RANGAP1: variants seen among roughly 807,000 people sequenced by gnomAD.
RANGAP1 encodes ran GTPase-activating protein 1.
In RANGAP1, 38 loss-of-function variants were observed where a neutral mutation model predicts 63.5. The ratio of observed to expected loss-of-function variants is 0.60; its 90% confidence interval spans 0.46 to 0.78. The LOEUF is 0.78. Among genes scored for constraint, RANGAP1 ranks in the 30% least tolerant of loss-of-function variants. RANGAP1 has a pLI of 0.00. For missense variants in RANGAP1, 630 were observed against 740.3 expected (o/e 0.85, Z 1.73); for synonymous variants, 329 against 310.5 (o/e 1.06, Z -0.63).
At chr22:41,290,035 G>A (rs370986554), upstream of RANGAP1, among the ~76,000 whole-genome samples, 10 of 151,908 alleles carry the variant, frequency 6.6e-5, no homozygotes, top group South Asian at 1.5e-3. Context: ...CAGCTACTAG[G>A]GAGGCTGATG....
At chr22:41,250,643 G>A (rs979767983) in intron 13 of RANGAP1, among the ~76,000 whole-genome samples, 5 of 152,202 alleles carry the variant, frequency 3.3e-5, no homozygotes, top group East Asian at 1.9e-4. Context: ...TAGAGTGGAC[G>A]TGAGCACAGA....
At chr22:41,270,628 T>C (rs2034751230) in intron 3 of RANGAP1, among the ~76,000 whole-genome samples, 1 of 152,216 alleles carries the variant, frequency 6.6e-6, no homozygotes, top group African/African-American at 2.4e-5. Flanking sequence ...TTGTATCTTT[T>C]GTAGAGTTGG....
the RANGAP1 span, among the ~76,000 whole-genome samples, chr22:41,293,839 G>A: frequency 1.3e-5 from 2 of 148,640 alleles, no homozygotes; most frequent in Non-Finnish European, 3.0e-5. Flanking sequence ...TTTCTCTTTT[G>A]GTGGATATGG....
At chr22:41,290,766 A>C (rs892444340), upstream of RANGAP1, among the ~76,000 whole-genome samples, 1 of 152,196 alleles carries the variant, frequency 6.6e-6, no homozygotes, top group Non-Finnish European at 1.5e-5. Context: ...GCCAATTGTA[A>C]ATGGAATAAA....
At chr22:41,260,222 T>C (rs953876670) in intron 6 of RANGAP1, among the ~76,000 whole-genome samples, 3 of 152,114 alleles carry the variant, frequency 2.0e-5, no homozygotes, top group Non-Finnish European at 2.9e-5. Flanking sequence ...TGGGGGGGAT[T>C]AAGAACCCCC....
chr22:41,273,765 T>TGAAAAAAAAAAA (rs2034971282), intron 3 of RANGAP1, among the ~76,000 whole-genome samples: 1 of 5,622 alleles, frequency 1.8e-4, no homozygotes, highest in East Asian at 3.6e-3. Flanking sequence ...AGACTCCATC[T>TGAAAAAAAAAAA]CAAAAAAAAA....
intron 3 of RANGAP1, among the ~76,000 whole-genome samples, chr22:41,271,989 A>G (rs1362810733): frequency 2.0e-5 from 3 of 152,336 alleles, no homozygotes; most frequent in South Asian, 2.1e-4. Context: ...GGGAAGGTGC[A>G]TGCAGCACTC....
intron 11 of RANGAP1, 40 bp from the exon 12 acceptor site, chr22:41,253,031 C>A: frequency 7.2e-7 from 1 of 1,390,794 alleles, no homozygotes; most frequent in Non-Finnish European, 9.4e-7. Context: ...GAATTCCGGA[C>A]CCCAGACTCC....
At chr22:41,300,477 C>T in the RANGAP1 span, among the ~76,000 whole-genome samples, 1 of 33,222 alleles carries the variant, frequency 3.0e-5, no homozygotes. Flanking sequence ...CACACACACA[C>T]ACATATATTT....
intron 5 of RANGAP1, among the ~76,000 whole-genome samples, chr22:41,263,351 C>T (rs1301674270): frequency 1.3e-5 from 2 of 152,176 alleles, no homozygotes; most frequent in African/African-American, 2.4e-5. Flanking sequence ...TCTGTGCTGA[C>T]GCAAACGTTT....
At chr22:41,295,079 G>C in the RANGAP1 span, among the ~76,000 whole-genome samples, 2 of 148,100 alleles carry the variant, frequency 1.4e-5, no homozygotes, top group Non-Finnish European at 3.0e-5. Flanking sequence ...GGAGGTGGGG[G>C]GGTCAGCCCC....
In RANGAP1 at chr22:41,257,980, A is replaced by G; in HGVS notation, c.742T>C (p.Phe248Leu). 1.2e-6 allele frequency: 2 copies of G among 1,612,678 alleles called. No individual in the cohort carries two copies. The highest frequency in any genetic ancestry group is 1.7e-6 in the Non-Finnish European group (2 of 1,179,206). ...LRVINLNDNTFTEKGAVAMAE... is the reference protein window; with the variant it reads ...LRVINLNDNTLTEKGAVAMAE... Reference sequence around the variant, plus strand: ...ATGGCCACGGCGCCCTTCTCAGTGAAGGTGTTGTCATTCAGGTTGATGACC... The same window carrying G: ...ATGGCCACGGCGCCCTTCTCAGTGAGGGTGTTGTCATTCAGGTTGATGACC... Residue 248 changes from phenylalanine (F) to leucine (L), a missense_variant, in exon 7 of 16, where the codon TTC (phenylalanine) becomes CTC (leucine). By Grantham distance (22) the Phe-to-Leu change is conservative (BLOSUM62 0). Coordinates refer to ENST00000356244, the MANE Select transcript of RANGAP1 (RefSeq NM_002883.4). This position sits in a 1 kb window ranked among gnomAD's most constrained non-coding sequence, Gnocchi z 4.0.
At chr22:41,258,950 C>T (rs9623365) in intron 6 of RANGAP1, among the ~76,000 whole-genome samples, 6,327 of 152,270 alleles carry the variant, frequency 0.042, 432 homozygotes, top group African/African-American at 0.14. Flanking sequence ...ATACCACACC[C>T]AGCCATTCAG....
intron 1 of RANGAP1, chr22:41,284,908 T>C (rs1292973573): frequency 6.6e-6 from 1 of 152,140 alleles, no homozygotes; most frequent in Non-Finnish European, 1.5e-5. Flanking sequence ...CACCTGTAAT[T>C]CCAACATTTT....
At chr22:41,249,183 C>A in intron 15 of RANGAP1, 147 bp downstream of exon 15, 1 of 1,168,244 alleles carries the variant, frequency 8.6e-7, no homozygotes, top group Non-Finnish European at 1.2e-6. Flanking sequence ...GCTGAGAGCC[C>A]AGGAGGCATG....
In RANGAP1 at chr22:41,271,224, TA is replaced by T. The variant is rs746864052; in HGVS notation, c.241-3069del. On this transcript the variant is annotated intron_variant, in intron 3 of 15. Transcript: ENST00000356244. Reference sequence around the variant, plus strand: ...GGGCAACAAAGCAAGACCCCATCATTAAAAAAAAAAAAAAAATTAGCTGGGC... The same window carrying T: ...GGGCAACAAAGCAAGACCCCATCATTAAAAAAAAAAAAAAATTAGCTGGGC... 7.0e-3 allele frequency among the ~76,000 whole-genome samples: 933 copies of T among 133,358 alleles called. 2 individuals carry two copies. Among genetic ancestry groups the T allele is most frequent in the Admixed American group, 7.8e-3 (104 of 13,268 alleles). The allele number at this position is 133,358 out of a possible 152,430, so 87.5% of individuals were successfully genotyped here.
chr22:41,250,323 C>T (rs985332958), intron 13 of RANGAP1, among the ~76,000 whole-genome samples: 4 of 152,254 alleles, frequency 2.6e-5, no homozygotes, highest in Admixed American at 6.5e-5. Context: ...CCGCCCTCCC[C>T]GCTTCGACGC....
the RANGAP1 span, among the ~76,000 whole-genome samples, chr22:41,294,288 G>A: frequency 6.6e-6 from 1 of 152,234 alleles, no homozygotes; most frequent in Non-Finnish European, 1.5e-5. Flanking sequence ...TCCTAACCGC[G>A]AGTGATGCAC....
In RANGAP1 at chr22:41,246,520, C is replaced by A; in HGVS notation, c.*83G>T. On this transcript the variant is annotated 3_prime_UTR_variant, in exon 16 of 16. Transcript: ENST00000356244. The stretch of plus-strand genomic sequence containing the variant: ...CCTGTGGCCAGAGTCCTGTCCAAGG[C>A]AATGGCGTAGGCTGCGCCTCAGTTC... 1 of 1,414,742 alleles carries A rather than the reference C, an allele frequency of 7.1e-7. No homozygotes were observed. Among genetic ancestry groups the A allele is most frequent in the Non-Finnish European group, 9.7e-7 (1 of 1,027,522 alleles). 87.6% of individuals were successfully genotyped at this position (1,414,742 alleles called of 1,614,324 possible). A position where few individuals can be genotyped will look rare whatever the true frequency, so the allele number is the denominator to read the frequency against.
Sources: allele counts gnomAD v4.1 joint callset (sites outside exome capture counted in the v4.1 genomes callset), GRCh38; gene constraint gnomAD v4.1.1; non-coding constraint Gnocchi (gnomAD v3.1); transcripts MANE v1.5; gene names NCBI Gene and HGNC (gene_info 2026-07-23, HGNC 2026-07-21).